DCAF11: variants seen among roughly 807,000 people sequenced by gnomAD.
The protein encoded by DCAF11 is DDB1 and CUL4 associated factor 11, also known as DDB1- and CUL4-associated factor 11.
DCAF11 carries 44 observed loss-of-function variants against 76.1 expected under a neutral mutation model. The observed-to-expected ratio is 0.58, with a 90% confidence interval of 0.45 to 0.74. The LOEUF (loss-of-function observed/expected upper bound fraction) is 0.74. DCAF11 is among the 30% of genes least tolerant of loss of function. The pLI is 0.00. For missense variants in DCAF11, 604 were observed against 709.4 expected, an observed-to-expected ratio of 0.85 and a Z score of 1.69; for synonymous variants, 258 against 255.0, an observed-to-expected ratio of 1.01 and a Z score of -0.11.
At position 24,115,638 on chromosome 14, in the gene DCAF11, A is replaced by AC; in HGVS notation, c.48dup (p.Ser17LeufsTer15). The AC allele has an allele frequency of 6.2e-7, 1 of 1,613,640 alleles. No individual in the cohort carries two copies. On this transcript the variant is annotated frameshift_variant, in exon 2 of 15. Transcript: ENST00000446197. LOFTEE classifies it high-confidence loss of function. The stretch of plus-strand genomic sequence containing the variant: ...AGCAGTGCAGGATCCGGGTCCGGAG[A>AC]CCCCTCCGAGGGCTTGCCCCGAAGA...
At chr14:24,118,218 G>A in intron 6 of DCAF11, 63 bp downstream of exon 6, 1 of 1,572,398 alleles carries the variant, frequency 6.4e-7, no homozygotes, top group Non-Finnish European at 8.7e-7. Flanking sequence ...CCCTGACTGA[G>A]GCTAGAAAGC....
chr14:24,117,059 C>G lies in DCAF11; in HGVS notation c.283+15C>G. 1.2e-6 allele frequency: 2 copies of G among 1,613,974 alleles called. No individual in the cohort carries two copies. The highest frequency in any genetic ancestry group is 1.7e-6 in the Non-Finnish European group (2 of 1,179,988). ...CAACCCACCTGGTAAGAGGAAAAGCCCCTAATGTTGGAAGACTTTTACTAG... is the reference window on the plus strand; with the variant it reads ...CAACCCACCTGGTAAGAGGAAAAGCGCCTAATGTTGGAAGACTTTTACTAG... On this transcript the variant is annotated intron_variant, in intron 3 of 14. Transcript: ENST00000446197. This position sits in a 1 kb window ranked among gnomAD's most constrained non-coding sequence, Gnocchi z 4.3.
intron 11 of DCAF11, among the ~76,000 whole-genome samples, chr14:24,120,632 C>T (rs1489422663): frequency 3.9e-5 from 6 of 152,054 alleles, no homozygotes; most frequent in Admixed American, 2.6e-4. Flanking sequence ...ATAGGAAAGC[C>T]GGCCAGTAGC....
At chr14:24,123,132 G>A (rs1406816339) in intron 14 of DCAF11, 43 bp from the exon 15 acceptor site, 3 of 1,613,922 alleles carry the variant, frequency 1.9e-6, no homozygotes, top group Non-Finnish European at 2.5e-6. Flanking sequence ...GGACTTGGGT[G>A]GGGGCAGCAC....
chr14:24,115,804 C>T, intron 2 of DCAF11, 55 bp downstream of exon 2: 1 of 1,565,302 alleles, frequency 6.4e-7, no homozygotes, highest in Non-Finnish European at 8.7e-7. Flanking sequence ...GCCTTGATCC[C>T]AACTCCAGGC....
At position 24,117,112 on chromosome 14, in the gene DCAF11, T is replaced by G; in HGVS notation, c.283+68T>G. On this transcript the variant is annotated intron_variant, in intron 3 of 14. Transcript: ENST00000446197. This position sits in a 1 kb window ranked among gnomAD's most constrained non-coding sequence, Gnocchi z 4.3. ...AACCTTTTAGTGATATTTTGAATGA[T>G]AGGTTACATTGAAAGAAGGTACGAT... The G allele has an allele frequency of 6.2e-7, 1 of 1,611,614 alleles. No homozygotes were observed. Among genetic ancestry groups the G allele is most frequent in the Non-Finnish European group, 8.5e-7 (1 of 1,178,428 alleles).
chr14:24,122,838 G>A, intron 13 of DCAF11, 133 bp from the exon 14 acceptor site: 1 of 713,724 alleles, frequency 1.4e-6, no homozygotes, highest in East Asian at 2.7e-5. Context: ...ACAGTCTTCT[G>A]GTGTGGGCTT....
chr14:24,118,114 T>G lies in DCAF11; in HGVS notation c.536T>G (p.Ile179Ser). The change falls in exon 6 of 15, where the codon ATC becomes AGC. Residue 179 changes from isoleucine to serine, a missense_variant. Physicochemically the swap from Ile to Ser is moderately radical, Grantham distance 142. Transcript: ENST00000446197. The stretch of plus-strand genomic sequence containing the variant: ...TACTCTCAGAAGGCTTTCTGTGGCA[T>G]CTACAGCAAAGATGGTCAAATATTC... Reference protein sequence around the residue: ...DSYSQKAFCGIYSKDGQIFMS... With the variant: ...DSYSQKAFCGSYSKDGQIFMS... 1.2e-6 allele frequency: 2 copies of G among 1,613,272 alleles called. No homozygotes were observed. Among genetic ancestry groups the G allele is most frequent in the Non-Finnish European group, 1.7e-6 (2 of 1,179,776 alleles).
At chr14:24,119,936 G>T in intron 11 of DCAF11, 40 bp downstream of exon 11, 1 of 1,550,472 alleles carries the variant, frequency 6.4e-7, no homozygotes. Flanking sequence ...GGCCGCTAAG[G>T]TTCTAGTTGC....
chr14:24,115,339 G>A (rs2037524557), intron 1 of DCAF11, 43 bp from the exon 2 acceptor site: 1 of 380,286 alleles, frequency 2.6e-6, no homozygotes, highest in African/African-American at 2.1e-5. Flanking sequence ...TGGTGAGCTA[G>A]GGTAGCGCAC....
chr14:24,123,191 G>A lies in DCAF11; in HGVS notation c.1523G>A (p.Arg508His), dbSNP rs749968110. Residue 508 changes from arginine to histidine, a missense_variant, in exon 15 of 15, where the codon CGT becomes CAT. Physicochemically the swap from Arg to His is conservative, Grantham distance 29 (BLOSUM62 0). Transcript: ENST00000446197. ...GCCCTGCAGTGGGACGGGAACCTGC[G>A]TCTGTGGCAGTACCGCCAGGCTGAG... ...IVSSSWDGNL[R>H]LWQYRQAEYF... The A allele has an allele frequency of 3.7e-5, 59 of 1,608,190 alleles. No homozygotes were observed. The highest frequency in any genetic ancestry group is 8.9e-5 in the East Asian group (4 of 44,834).
chr14:24,122,904 TG>T, intron 13 of DCAF11, 66 bp from the exon 14 acceptor site: 1 of 1,438,444 alleles, frequency 7.0e-7, no homozygotes. Context: ...GTGCTACTCA[TG>T]GGGAGGTGAG....
rs2037511286 is a variant in DCAF11, at chr14:24,115,027, G to A, written c.-480G>A. 1 of 985,984 alleles carries A rather than the reference G, an allele frequency of 1.0e-6. No individual in the cohort carries two copies. Among genetic ancestry groups the A allele is most frequent in the Non-Finnish European group, 1.2e-6 (1 of 829,942 alleles). The allele number at this position is 985,984 out of a possible 1,614,324, so 61.1% of individuals were successfully genotyped here. ...CACACCCCCGGCGCACCACGTGGGC[G>A]TGAGGCGAGGAAGGAGGGGTGTTAG... On this transcript the variant is annotated 5_prime_UTR_variant, in exon 1 of 15. In the 5' UTR this introduces an upstream ATG that the reference lacks. Transcript: ENST00000446197.
At chr14:24,118,909 C>G in intron 8 of DCAF11, 105 bp downstream of exon 8, 2 of 1,337,424 alleles carry the variant, frequency 1.5e-6, no homozygotes, top group South Asian at 2.4e-5. Flanking sequence ...AAAAAGTATA[C>G]TGGTGGGTCT....
intron 2 of DCAF11, 121 bp from the exon 3 acceptor site, chr14:24,116,796 T>C: frequency 7.2e-7 from 1 of 1,397,050 alleles, no homozygotes; most frequent in Non-Finnish European, 9.9e-7. Context: ...AGCCAAGGTC[T>C]AGTCAGCCTC....
At chr14:24,115,893 G>T in intron 2 of DCAF11, 144 bp downstream of exon 2, 1 of 1,015,042 alleles carries the variant, frequency 9.9e-7, no homozygotes. Context: ...TTCCCTGCTG[G>T]GCACCCATGG....
chr14:24,123,021 G>T lies in DCAF11; in HGVS notation c.1450G>T (p.Ala484Ser), dbSNP rs1276218632. The change falls in exon 14 of 15, where the codon GCC (alanine) becomes TCC (serine). Residue 484 changes from alanine (A) to serine (S), a missense_variant. By Grantham distance (99) the Ala-to-Ser change is moderately conservative. Transcript: ENST00000446197. ...HIVKKLTNHK[A>S]CVRDVSWHPF... ...TGTGAAGAAGCTGACCAACCACAAG[G>T]CCTGTGTGCGTGACGTCAGTTGGCA... The T allele has an allele frequency of 2.5e-6, 4 of 1,614,062 alleles. No homozygotes were observed. The highest frequency in any genetic ancestry group is 1.1e-5 in the South Asian group (1 of 91,092).
chr14:24,120,748 T>A, intron 11 of DCAF11, 90 bp from the exon 12 acceptor site: 2 of 1,505,820 alleles, frequency 1.3e-6, no homozygotes, highest in South Asian at 1.2e-5. Flanking sequence ...AGGCCAGAGT[T>A]CTTCTGCTCA....
chr14:24,114,939 G>A lies in DCAF11; in HGVS notation c.-568G>A, dbSNP rs908939634. ...GCTCCTGGCTGGTGGGTGGTCTCGC[G>A]TGGGGCGGTTACCGCCGGCTTCAGT... On this transcript the variant is annotated 5_prime_UTR_variant, in exon 1 of 15. It adds an upstream start codon to the 5' untranslated region. Transcript: ENST00000446197. 5.7e-5 allele frequency: 56 copies of A among 985,930 alleles called. No individual in the cohort carries two copies. Among genetic ancestry groups the A allele is most frequent in the Non-Finnish European group, 6.6e-5 (55 of 830,022 alleles). The allele number at this position is 985,930 out of a possible 1,614,324, so 61.1% of individuals were successfully genotyped here. A position where few individuals can be genotyped will look rare whatever the true frequency, so the allele number is the denominator to read the frequency against.
Sources: gnomAD v4.1 joint callset for allele counts (sites outside exome capture counted in the v4.1 genomes callset) on GRCh38, gnomAD v4.1.1 for gene constraint, Gnocchi (gnomAD v3.1) non-coding constraint, MANE v1.5 for transcripts, NCBI Gene and HGNC (gene_info 2026-07-23, HGNC 2026-07-21) for gene names.